Variants in ADORA2B observed in about 807,000 individuals in gnomAD.
ADORA2B encodes the protein adenosine receptor A2b.
In ADORA2B, 18 loss-of-function variants were observed where a neutral mutation model predicts 20.8. That is an observed-to-expected ratio of 0.87 (90% CI 0.60 to 1.29). The LOEUF (loss-of-function observed/expected upper bound fraction) is 1.29. Ranked by LOEUF, ADORA2B falls within the 50% of genes most tolerant of loss-of-function variation. The probability of loss-of-function intolerance (pLI) is 0.00; values close to 1 mark genes in which losing one functional copy is unlikely to be tolerated. For synonymous variants in ADORA2B, 179 were observed against 178.3 expected, an observed-to-expected ratio of 1.00 and a Z score of -0.03; for missense variants, 441 against 422.7, an observed-to-expected ratio of 1.04 and a Z score of -0.38.
chr17:15,862,208 T>G, the ADORA2B span, among the ~76,000 whole-genome samples: 1 of 114,452 alleles, frequency 8.7e-6, no homozygotes, highest in Admixed American at 9.5e-5. Flanking sequence ...TTTCTTTTCT[T>G]TTCTTTTTTT....
intron 1 of ADORA2B, among the ~76,000 whole-genome samples, chr17:15,964,726 A>G (rs1426689926): frequency 2.0e-5 from 3 of 151,004 alleles, no homozygotes; most frequent in Non-Finnish European, 4.4e-5. Flanking sequence ...AACCTTTTAT[A>G]GTTTGGTACC....
chr17:15,919,800 G>A, the ADORA2B span, among the ~76,000 whole-genome samples: 1 of 151,986 alleles, frequency 6.6e-6, no homozygotes, highest in Non-Finnish European at 1.5e-5. Context: ...TGGCCAGCTG[G>A]GTGTACAGGA....
intron 1 of ADORA2B, among the ~76,000 whole-genome samples, chr17:15,946,042 C>T (rs1969801425): frequency 6.6e-6 from 1 of 152,142 alleles, no homozygotes; most frequent in Non-Finnish European, 1.5e-5. Context: ...CTCCCGGAGG[C>T]CCGGGAGGTT....
the ADORA2B span, among the ~76,000 whole-genome samples, chr17:15,853,509 C>T: frequency 6.6e-6 from 1 of 152,106 alleles, no homozygotes; most frequent in Non-Finnish European, 1.5e-5. Context: ...ATTATGAAAA[C>T]AGTGATGAGG....
At chr17:15,888,953 C>T in the ADORA2B span, among the ~76,000 whole-genome samples, 9 of 105,664 alleles carry the variant, frequency 8.5e-5, 2 homozygotes, top group Admixed American at 5.8e-4. Context: ...ACCTCCACCT[C>T]CCAGGTTCAA....
chr17:15,906,364 T>C, the ADORA2B span, among the ~76,000 whole-genome samples: 1 of 152,258 alleles, frequency 6.6e-6, no homozygotes, highest in East Asian at 1.9e-4. Context: ...TCTGTTGATA[T>C]AATCATATGG....
At chr17:15,911,164 G>A in the ADORA2B span, among the ~76,000 whole-genome samples, 39 of 152,296 alleles carry the variant, frequency 2.6e-4, no homozygotes, top group South Asian at 1.0e-3. Flanking sequence ...TATATCACCC[G>A]CGCCTTTGTT....
chr17:15,965,570 G>T (rs1258814637), intron 1 of ADORA2B, among the ~76,000 whole-genome samples: 1 of 152,212 alleles, frequency 6.6e-6, no homozygotes, highest in Non-Finnish European at 1.5e-5. Context: ...GAAGGATGTT[G>T]GTATAATGGA....
Position 15,974,845 on chromosome 17 carries a change from C to G in ADORA2B, c.502C>G (p.Leu168Val). Residue 168 changes from leucine (L) to valine (V), a missense_variant, in exon 2 of 2, where the codon CTT becomes GTT. Coordinates refer to ENST00000304222, the MANE Select transcript of ADORA2B (RefSeq NM_000676.4). ...WDGTTNESCC[L>V]VKCLFENVVP... ...TGGAACCACGAATGAAAGCTGCTGC[C>G]TTGTGAAGTGTCTCTTTGAGAATGT... 6.2e-7 allele frequency: 1 copy of G among 1,614,124 alleles called. No individual in the cohort carries two copies. The highest frequency in any genetic ancestry group is 1.7e-5 in the Admixed American group (1 of 60,010).
the ADORA2B span, among the ~76,000 whole-genome samples, chr17:15,885,032 G>A: frequency 8.5e-5 from 13 of 152,100 alleles, no homozygotes; most frequent in African/African-American, 1.2e-4. Flanking sequence ...TTTACACTCC[G>A]ACCAGCAGTG....
intron 1 of ADORA2B, among the ~76,000 whole-genome samples, chr17:15,965,008 C>A (rs930583864): frequency 6.6e-6 from 1 of 152,072 alleles, no homozygotes; most frequent in Non-Finnish European, 1.5e-5. Flanking sequence ...TGCAGTGAGC[C>A]GAGATCGTGC....
chr17:15,878,163 T>TTGTGTGTGTG, the ADORA2B span, among the ~76,000 whole-genome samples: 185 of 119,708 alleles, frequency 1.5e-3, 1 homozygote, highest in African/African-American at 4.9e-3. Context: ...CAGATATCCT[T>TTGTGTGTGTG]TGTGTGTGTG....
the ADORA2B span, among the ~76,000 whole-genome samples, chr17:15,863,473 A>G: frequency 1.9e-3 from 285 of 152,152 alleles, 2 homozygotes; most frequent in African/African-American, 6.5e-3. Flanking sequence ...AGCCTCCTGA[A>G]TAGCTGGGAC....
chr17:15,895,434 G>C, the ADORA2B span, among the ~76,000 whole-genome samples: 1 of 152,162 alleles, frequency 6.6e-6, no homozygotes, highest in East Asian at 1.9e-4. Context: ...AGTCTGAGGT[G>C]CTGTGAAATA....
the ADORA2B span, among the ~76,000 whole-genome samples, chr17:15,887,951 C>CAAAAAAAAA: frequency 2.7e-4 from 6 of 22,230 alleles, no homozygotes; most frequent in South Asian, 1.4e-3. Flanking sequence ...AAGACTCCAT[C>CAAAAAAAAA]AAAAAAAAAA....
At chr17:15,864,950 A>T in the ADORA2B span, among the ~76,000 whole-genome samples, 1 of 150,974 alleles carries the variant, frequency 6.6e-6, no homozygotes, top group African/African-American at 2.5e-5. Flanking sequence ...GTGGGAATGC[A>T]TGAAAGAATG....
chr17:15,903,278 C>G, the ADORA2B span, among the ~76,000 whole-genome samples: 2 of 152,164 alleles, frequency 1.3e-5, no homozygotes, highest in Non-Finnish European at 2.9e-5. Flanking sequence ...AGGTTCAAAT[C>G]ATTGGATGGG....
At chr17:15,851,516 T>G in the ADORA2B span, among the ~76,000 whole-genome samples, 3 of 151,994 alleles carry the variant, frequency 2.0e-5, no homozygotes, top group South Asian at 6.2e-4. Flanking sequence ...GACCTAAGAA[T>G]CTCCACTTCC....
intron 1 of ADORA2B, among the ~76,000 whole-genome samples, chr17:15,954,790 A>G (rs1969946924): frequency 6.6e-6 from 1 of 152,160 alleles, no homozygotes; most frequent in South Asian, 2.1e-4. Context: ...TATTTCTCAC[A>G]TATGATTGGT....
Sources: allele counts gnomAD v4.1 joint callset (sites outside exome capture counted in the v4.1 genomes callset), GRCh38; gene constraint gnomAD v4.1.1; transcripts MANE v1.5; gene names NCBI Gene and HGNC (gene_info 2026-07-23, HGNC 2026-07-21).